Variants in RHOJ observed in about 807,000 individuals in gnomAD.
The protein encoded by RHOJ is ras homolog family member J.
Under a neutral mutation model 23.4 loss-of-function variants are expected in RHOJ, and 11 were observed. The observed-to-expected ratio is 0.47, with a 90% CI of 0.30 to 0.78. The LOEUF (loss-of-function observed/expected upper bound fraction) is 0.78, where lower values mean the gene tolerates loss of function less well. RHOJ is among the 30% of genes least tolerant of loss of function. The probability of loss-of-function intolerance (pLI) is 0.08; values close to 1 mark genes in which losing one functional copy is unlikely to be tolerated. For missense variants in RHOJ, 254 were observed against 273.4 expected, an observed-to-expected ratio of 0.93 and a Z score of 0.50; for synonymous variants, 102 against 102.7, an observed-to-expected ratio of 0.99 and a Z score of 0.04.
chr14:63,228,130 G>A (rs1028026975), intron 1 of RHOJ, among the ~76,000 whole-genome samples: 6 of 152,172 alleles, frequency 3.9e-5, no homozygotes, highest in Non-Finnish European at 5.9e-5. Flanking sequence ...CCCAGCACTG[G>A]AAGAATAACT....
intron 1 of RHOJ, among the ~76,000 whole-genome samples, chr14:63,238,955 C>T (rs1894836734): frequency 6.6e-6 from 1 of 152,186 alleles, no homozygotes. Flanking sequence ...GTTGGAATTG[C>T]ATCCCATGCT....
At chr14:63,274,687 A>C (rs1442999657) in intron 2 of RHOJ, among the ~76,000 whole-genome samples, 1 of 152,130 alleles carries the variant, frequency 6.6e-6, no homozygotes, top group African/African-American at 2.4e-5. Flanking sequence ...TTCTCATAAC[A>C]ACTCATAAGG....
rs565346662 is a variant in RHOJ at position 63,244,503 on chromosome 14, G to A, written c.179-24607G>A. ...TGAGGCAGCAGAATCGCTTGAACTCGGGAGGCAAAGGTTGTGGTGAGCCGA... is the reference window on the plus strand; with the variant it reads ...TGAGGCAGCAGAATCGCTTGAACTCAGGAGGCAAAGGTTGTGGTGAGCCGA... On this transcript the variant is annotated intron_variant, in intron 1 of 4. Transcript: ENST00000316754. 4.6e-5 allele frequency among the ~76,000 whole-genome samples: 7 copies of A among 152,046 alleles called. No individual in the cohort carries two copies. The East Asian group carries it at 5.8e-4, about 13-fold the overall frequency.
intron 1 of RHOJ, among the ~76,000 whole-genome samples, chr14:63,229,485 C>A (rs1435836372): frequency 6.6e-6 from 1 of 151,968 alleles, no homozygotes; most frequent in Non-Finnish European, 1.5e-5. Context: ...TGCTTCTAAG[C>A]TTATTCTTTT....
chr14:63,219,420 C>A (rs1380214445), intron 1 of RHOJ, among the ~76,000 whole-genome samples: 1 of 151,830 alleles, frequency 6.6e-6, no homozygotes, highest in Non-Finnish European at 1.5e-5. Context: ...TTGTTAAAAT[C>A]AAGAATCTAC....
chr14:63,276,887 C>A (rs1881737413), intron 2 of RHOJ, among the ~76,000 whole-genome samples: 1 of 152,170 alleles, frequency 6.6e-6, no homozygotes, highest in African/African-American at 2.4e-5. Flanking sequence ...GACATTTCTC[C>A]TGATGATGTT....
intron 1 of RHOJ, among the ~76,000 whole-genome samples, chr14:63,243,667 G>A (rs1385002937): frequency 7.2e-5 from 11 of 152,082 alleles, no homozygotes; most frequent in Non-Finnish European, 2.9e-5. Flanking sequence ...ATGCACCAAA[G>A]AGGAGTTAAC....
chr14:63,283,089 C>G (rs751734455), intron 3 of RHOJ, 32 bp from the exon 4 acceptor site: 2 of 1,543,738 alleles, frequency 1.3e-6, no homozygotes, highest in Non-Finnish European at 1.8e-6. Flanking sequence ...CCTGAGAAAA[C>G]AAATAAGTTT....
intron 2 of RHOJ, among the ~76,000 whole-genome samples, chr14:63,279,873 G>A (rs750487240): frequency 1.3e-5 from 2 of 151,936 alleles, no homozygotes; most frequent in African/African-American, 2.4e-5. Context: ...TTTTTTAATC[G>A]TGTGAGGAGA....
At chr14:63,274,832 A>T (rs1454838345) in intron 2 of RHOJ, among the ~76,000 whole-genome samples, 1 of 152,170 alleles carries the variant, frequency 6.6e-6, no homozygotes, top group African/African-American at 2.4e-5. Flanking sequence ...ATGCACGCAC[A>T]CTATACATGG....
intron 1 of RHOJ, among the ~76,000 whole-genome samples, chr14:63,266,728 C>T (rs1895374035): frequency 6.6e-6 from 1 of 152,114 alleles, no homozygotes. Context: ...TATAGAAATA[C>T]TACTGATTTT....
chr14:63,270,155 T>G (rs1340321424), intron 2 of RHOJ, among the ~76,000 whole-genome samples: 1 of 149,818 alleles, frequency 6.7e-6, no homozygotes, highest in Non-Finnish European at 1.5e-5. Flanking sequence ...TTTGTAGCGA[T>G]GCATTCGTCT....
At chr14:63,205,253 G>T (rs3742628) in intron 1 of RHOJ, among the ~76,000 whole-genome samples, 101,356 of 152,026 alleles carry the variant, frequency 0.67, 34,222 homozygotes, top group South Asian at 0.85. Context: ...CTTTTCCCCC[G>T]TAAAACGAAT....
chr14:63,241,776 T>A (rs577129491), intron 1 of RHOJ, among the ~76,000 whole-genome samples: 12 of 152,292 alleles, frequency 7.9e-5, no homozygotes, highest in African/African-American at 2.4e-4. Context: ...CAAACTAATT[T>A]ATATTCAGGC....
Position 63,291,224 on chromosome 14 carries a change from C to T in RHOJ, c.*200C>T. 1.6e-6 allele frequency: 1 copy of T among 616,212 alleles called. No homozygotes were observed. Among genetic ancestry groups the T allele is most frequent in the Non-Finnish European group, 2.9e-6 (1 of 342,348 alleles). The allele number at this position is 616,212 out of a possible 1,614,324, so 38.2% of individuals were successfully genotyped here. The stretch of plus-strand genomic sequence containing the variant: ...CGACCTCCCTGCCAGCCAGAAGCAT[C>T]CGTACTGCACGCTGTCTGAGAATGC... On this transcript the variant is annotated 3_prime_UTR_variant, in exon 5 of 5. Transcript: ENST00000316754.
chr14:63,262,470 C>T (rs997912787), intron 1 of RHOJ, among the ~76,000 whole-genome samples: 1 of 152,224 alleles, frequency 6.6e-6, no homozygotes, highest in Non-Finnish European at 1.5e-5. Context: ...ACATACTTAA[C>T]AGGTCACTGA....
In RHOJ at chr14:63,204,493, A is replaced by C. The variant is rs976789422; in HGVS notation, c.-377A>C. ...GTTAGATGTGACTTGGAAAATGAGA[A>C]AGATTTAGCAAAATTCCACCGTATC... On this transcript the variant is annotated 5_prime_UTR_variant, in exon 1 of 5. Transcript: ENST00000316754. 4.9e-6 allele frequency: 1 copy of C among 202,170 alleles called. No homozygotes were observed. Among genetic ancestry groups the C allele is most frequent in the African/African-American group, 2.3e-5 (1 of 42,620 alleles). 12.5% of individuals were successfully genotyped at this position (202,170 alleles called of 1,614,324 possible).
chr14:63,249,515 A>T (rs971332912), intron 1 of RHOJ, among the ~76,000 whole-genome samples: 23 of 152,208 alleles, frequency 1.5e-4, no homozygotes, highest in Non-Finnish European at 2.9e-5. Flanking sequence ...ATTTGACAAG[A>T]GCTGCTGAAA....
At chr14:63,245,645 C>A (rs945637395) in intron 1 of RHOJ, among the ~76,000 whole-genome samples, 1 of 151,922 alleles carries the variant, frequency 6.6e-6, no homozygotes, top group African/African-American at 2.4e-5. Flanking sequence ...CAGAGCAAGA[C>A]CCTGTCTCAA....
Sources: allele counts gnomAD v4.1 joint callset (sites outside exome capture counted in the v4.1 genomes callset), GRCh38; gene constraint gnomAD v4.1.1; transcripts MANE v1.5; gene names NCBI Gene and HGNC (gene_info 2026-07-23, HGNC 2026-07-21).